DLGAP2: variants seen among roughly 807,000 people sequenced by gnomAD.
DLGAP2 encodes disks large-associated protein 2.
DLGAP2 carries 26 observed loss-of-function variants against 100.3 expected under a neutral mutation model. The ratio of observed to expected loss-of-function variants is 0.26; its 90% CI spans 0.19 to 0.36. DLGAP2 has a LOEUF of 0.36. DLGAP2 is among the 10% of genes least tolerant of loss of function. The pLI, the probability that DLGAP2 is intolerant of heterozygous loss-of-function variation, is 1.00. For missense variants in DLGAP2, 1,858 were observed against 1,453.2 expected (o/e 1.28, Z -4.53); for synonymous variants, 886 against 630.1 (o/e 1.41, Z -6.08).
chr8:923,345 C>T (rs1798751938), intron 2 of DLGAP2, among the ~76,000 whole-genome samples: 1 of 152,204 alleles, frequency 6.6e-6, no homozygotes, highest in Admixed American at 6.5e-5. Context: ...GTGTCTTTCC[C>T]TAGGAATGCG....
chr8:1,223,384 G>T (rs942256444), intron 2 of DLGAP2, among the ~76,000 whole-genome samples: 1 of 152,054 alleles, frequency 6.6e-6, no homozygotes, highest in African/African-American at 2.4e-5. Flanking sequence ...TCTTCTCCGC[G>T]GTGCTGCATT....
chr8:1,102,736 G>T (rs1448204976), intron 2 of DLGAP2, among the ~76,000 whole-genome samples: 1 of 152,170 alleles, frequency 6.6e-6, no homozygotes, highest in Non-Finnish European at 1.5e-5. Context: ...GCACTCAGGA[G>T]CCTGGTGTCC....
chr8:1,650,226 A>G (rs1393387678), intron 8 of DLGAP2, among the ~76,000 whole-genome samples: 5 of 152,262 alleles, frequency 3.3e-5, no homozygotes, highest in African/African-American at 2.4e-5. Context: ...CCTGATGTGT[A>G]TAAGATAATG....
At chr8:777,701 G>A (rs1301772111) in intron 1 of DLGAP2, among the ~76,000 whole-genome samples, 2 of 152,018 alleles carry the variant, frequency 1.3e-5, no homozygotes, top group Admixed American at 6.6e-5. Flanking sequence ...TGGCTTGTAG[G>A]GTTTCTGCCG....
At chr8:1,227,688 A>G (rs945407255) in intron 2 of DLGAP2, among the ~76,000 whole-genome samples, 1 of 152,158 alleles carries the variant, frequency 6.6e-6, no homozygotes, top group Non-Finnish European at 1.5e-5. Context: ...GAAAAATATT[A>G]CATGATGTCA....
At chr8:1,024,914 C>T (rs993431927) in intron 2 of DLGAP2, among the ~76,000 whole-genome samples, 5 of 152,178 alleles carry the variant, frequency 3.3e-5, no homozygotes, top group South Asian at 2.1e-4. Context: ...AGAACCTTGG[C>T]GTGGCAGAGT....
chr8:1,599,559 T>C (rs960847176), intron 6 of DLGAP2, among the ~76,000 whole-genome samples: 16 of 152,220 alleles, frequency 1.1e-4, no homozygotes, highest in African/African-American at 3.6e-4. Context: ...TGGGTGCTCC[T>C]GTATTGAGTG....
rs554305510 is a variant in DLGAP2, at chr8:1,214,461, A to G, written c.74-44390A>G. On this transcript the variant is annotated intron_variant, in intron 2 of 14. Transcript: ENST00000637795. ...TGTTTGGTGGTTTTAAATATCAGCT[A>G]TGAGTATTACCACCACTTTACGTAG... Among the ~76,000 whole-genome samples, 18 of 152,352 alleles carry G rather than the reference A, an allele frequency of 1.2e-4. No homozygotes were observed. The South Asian group carries it at 1.9e-3, about 16-fold the overall frequency.
intron 1 of DLGAP2, among the ~76,000 whole-genome samples, chr8:750,301 A>T (rs957034136): frequency 2.0e-5 from 3 of 152,236 alleles, no homozygotes; most frequent in African/African-American, 7.2e-5. Context: ...GATTGTGCAG[A>T]GTGGGCTCAG....
chr8:1,594,787 T>TA (rs1476741271), intron 6 of DLGAP2, among the ~76,000 whole-genome samples: 6 of 152,006 alleles, frequency 3.9e-5, no homozygotes, highest in African/African-American at 1.2e-4. Flanking sequence ...ATAGTTTTTT[T>TA]AAAAAAAAGT....
chr8:1,296,668 C>T (rs997264534), intron 3 of DLGAP2, among the ~76,000 whole-genome samples: 13 of 152,200 alleles, frequency 8.5e-5, no homozygotes, highest in African/African-American at 2.9e-4. Flanking sequence ...ATCCTGGGAA[C>T]AGAGAACACA....
At position 1,673,672 on chromosome 8, in the gene DLGAP2, A is replaced by G. The variant is rs543023263; in HGVS notation, c.2203-2861A>G. 2.0e-5 allele frequency among the ~76,000 whole-genome samples: 3 copies of G among 152,352 alleles called. No individual in the cohort carries two copies. In the South Asian group the frequency reaches 6.2e-4, roughly 32 times the overall value. ...CCTACTTGAGTCAGGCCTCAGGCTG[A>G]GAGTTTTACATCAGTTAACTGAGGC... On this transcript the variant is annotated intron_variant, in intron 10 of 14. Coordinates refer to ENST00000637795, the MANE Select transcript of DLGAP2 (RefSeq NM_001346810.2).
intron 2 of DLGAP2, among the ~76,000 whole-genome samples, chr8:1,230,189 C>G (rs1439675463): frequency 1.3e-5 from 2 of 152,098 alleles, no homozygotes; most frequent in African/African-American, 4.8e-5. Context: ...AATCAATGTA[C>G]AAAAATCAGT....
chr8:1,363,778 C>T (rs557220177), intron 3 of DLGAP2, among the ~76,000 whole-genome samples: 12 of 152,322 alleles, frequency 7.9e-5, no homozygotes, highest in East Asian at 3.9e-4. Context: ...GTGGGAACCA[C>T]GGGCGACTGA....
At chr8:746,017 C>T (rs1039282268) in intron 1 of DLGAP2, among the ~76,000 whole-genome samples, 12 of 152,220 alleles carry the variant, frequency 7.9e-5, no homozygotes, top group African/African-American at 2.9e-4. Context: ...ATCCCCTCAA[C>T]ACTCTGCCCC....
At chr8:1,129,967 T>C (rs1796251727) in intron 2 of DLGAP2, among the ~76,000 whole-genome samples, 1 of 152,160 alleles carries the variant, frequency 6.6e-6, no homozygotes, top group Non-Finnish European at 1.5e-5. Context: ...GTAAAGTGAG[T>C]AAGGACAGGC....
intron 2 of DLGAP2, among the ~76,000 whole-genome samples, chr8:1,000,854 T>C (rs573454306): frequency 6.6e-6 from 1 of 151,812 alleles, no homozygotes; most frequent in South Asian, 2.1e-4. Context: ...TGTGGACAGG[T>C]GTGGGGGGAG....
intron 3 of DLGAP2, among the ~76,000 whole-genome samples, chr8:1,493,302 G>T (rs528029110): frequency 6.6e-6 from 1 of 151,940 alleles, no homozygotes; most frequent in Admixed American, 6.6e-5. Context: ...GGGCACAGAC[G>T]GCTGCCTCCA....
intron 12 of DLGAP2, among the ~76,000 whole-genome samples, chr8:1,679,973 C>G (rs1798905162): frequency 2.0e-5 from 2 of 99,914 alleles, no homozygotes; most frequent in South Asian, 3.7e-4. Context: ...GAATGAGACT[C>G]TGTCTCAAAA....
Sources: gnomAD v4.1 joint callset for allele counts (sites outside exome capture counted in the v4.1 genomes callset) on GRCh38, gnomAD v4.1.1 for gene constraint, MANE v1.5 for transcripts, NCBI Gene and HGNC (gene_info 2026-07-23, HGNC 2026-07-21) for gene names.